The following DENND1A variants were observed in gnomAD, a reference collection of about 807,000 sequenced individuals.
The protein encoded by DENND1A is DENN domain containing 1A.
A neutral mutation model predicts 113.7 loss-of-function variants in DENND1A; 51 were observed. The ratio of observed to expected loss-of-function variants is 0.45; its 90% CI spans 0.36 to 0.57. The LOEUF (loss-of-function observed/expected upper bound fraction) is 0.57, where lower values mean the gene tolerates loss of function less well. Ranked by LOEUF, DENND1A falls within the 20% of genes least tolerant of loss-of-function variation. The pLI, the probability that DENND1A is intolerant of heterozygous loss-of-function variation, is 0.00. For missense variants in DENND1A, 1,258 were observed against 1,395.9 expected (o/e 0.90, Z 1.57); for synonymous variants, 565 against 570.8 (o/e 0.99, Z 0.14).
chr9:123,765,828 T>C (rs1207985076), intron 4 of DENND1A, among the ~76,000 whole-genome samples: 2 of 152,150 alleles, frequency 1.3e-5, no homozygotes, highest in African/African-American at 4.8e-5. Flanking sequence ...CACTACTCCC[T>C]CTCACCAACA....
intron 9 of DENND1A, among the ~76,000 whole-genome samples, chr9:123,643,841 C>A (rs750397085): frequency 2.0e-5 from 3 of 152,198 alleles, no homozygotes; most frequent in Non-Finnish European, 4.4e-5. Flanking sequence ...GTGTCAGGCG[C>A]ACAGACAGGG....
intron 12 of DENND1A, among the ~76,000 whole-genome samples, chr9:123,579,159 T>C (rs2136597558): frequency 6.6e-6 from 1 of 152,356 alleles, no homozygotes; most frequent in East Asian, 1.9e-4. Flanking sequence ...CATCATCAGC[T>C]ACTGTCGATT....
chr9:123,643,728 G>A (rs1319353694), intron 9 of DENND1A, among the ~76,000 whole-genome samples: 1 of 152,220 alleles, frequency 6.6e-6, no homozygotes, highest in Non-Finnish European at 1.5e-5. Flanking sequence ...TGGGCAGACG[G>A]AATGGAATCT....
chr9:123,903,670 A>C (rs985412045), intron 1 of DENND1A, among the ~76,000 whole-genome samples: 2 of 152,218 alleles, frequency 1.3e-5, no homozygotes, highest in African/African-American at 4.8e-5. Context: ...GGACCGGCTT[A>C]AAAAACGGCG....
chr9:123,508,650 C>T (rs549268828), intron 13 of DENND1A, among the ~76,000 whole-genome samples: 50 of 152,280 alleles, frequency 3.3e-4, no homozygotes, highest in African/African-American at 1.2e-3. Flanking sequence ...TTCTCTTAAC[C>T]ACAGAGTTCA....
chr9:123,690,252 T>C (rs377062625), intron 5 of DENND1A, among the ~76,000 whole-genome samples: 15 of 152,122 alleles, frequency 9.9e-5, no homozygotes, highest in African/African-American at 3.6e-4. Context: ...GACAAACTAA[T>C]AGTGGTTTTT....
intron 13 of DENND1A, among the ~76,000 whole-genome samples, chr9:123,488,213 C>A (rs1179875155): frequency 1.3e-5 from 2 of 152,220 alleles, no homozygotes; most frequent in African/African-American, 2.4e-5. Flanking sequence ...ATGATGTGAA[C>A]CCTGCTTGTT....
rs188270604 is a variant in DENND1A, at chr9:123,846,614, T to C, written c.88+32337A>G. On this transcript the variant is annotated intron_variant, in intron 2 of 23. Transcript: ENST00000394215. ...ACCAGACAGAAAAGGACAAATAATA[T>C]ATGATTCCACTTATATGAGGAAACT... Among the ~76,000 whole-genome samples the C allele has an allele frequency of 1.1e-4, 16 of 152,236 alleles. No individual in the cohort carries two copies. In the South Asian group the frequency reaches 1.9e-3, roughly 18 times the overall value.
At chr9:123,485,689 C>CACAG (rs1344024675) in intron 13 of DENND1A, 3 of 148,948 alleles carry the variant, frequency 2.0e-5, no homozygotes, top group African/African-American at 7.3e-5. Flanking sequence ...CACACACACA[C>CACAG]ACGCAGTGTG....
At chr9:123,386,630 C>T (rs542300470) in intron 22 of DENND1A, among the ~76,000 whole-genome samples, 25 of 152,188 alleles carry the variant, frequency 1.6e-4, no homozygotes, top group Non-Finnish European at 2.8e-4. Flanking sequence ...GTGATCCGCC[C>T]GCTTTGGCCT....
intron 5 of DENND1A, among the ~76,000 whole-genome samples, chr9:123,722,989 G>A (rs1036383861): frequency 3.3e-5 from 5 of 152,230 alleles, no homozygotes; most frequent in African/African-American, 1.2e-4. Flanking sequence ...AGAAAAAGCT[G>A]AAGATACTCA....
At chr9:123,686,718 C>T (rs2064833358) in intron 5 of DENND1A, among the ~76,000 whole-genome samples, 1 of 152,168 alleles carries the variant, frequency 6.6e-6, no homozygotes, top group African/African-American at 2.4e-5. Context: ...CTCTGCTATA[C>T]CCTAAATGCA....
chr9:123,819,710 G>T (rs1463846179), intron 2 of DENND1A, among the ~76,000 whole-genome samples: 2 of 151,950 alleles, frequency 1.3e-5, no homozygotes, highest in Non-Finnish European at 2.9e-5. Flanking sequence ...GCTAAGTTTT[G>T]TATTTTTAGT....
intron 18 of DENND1A, among the ~76,000 whole-genome samples, chr9:123,443,573 C>T (rs1040778166): frequency 3.3e-5 from 5 of 152,224 alleles, no homozygotes; most frequent in East Asian, 3.9e-4. Flanking sequence ...AATTTATTAG[C>T]CTCTTTACTA....
At chr9:123,714,539 T>C (rs1286675673) in intron 5 of DENND1A, among the ~76,000 whole-genome samples, 3 of 151,990 alleles carry the variant, frequency 2.0e-5, no homozygotes, top group Non-Finnish European at 4.4e-5. Context: ...GAGGCAGAGA[T>C]TGCAGTGAGC....
At chr9:123,740,098 C>T (rs531127377) in intron 5 of DENND1A, among the ~76,000 whole-genome samples, 1 of 152,226 alleles carries the variant, frequency 6.6e-6, no homozygotes, top group Middle Eastern at 3.4e-3. Flanking sequence ...AAGGGGAGCA[C>T]TTACAGTGCA....
At chr9:123,526,151 A>G (rs1411501481) in intron 13 of DENND1A, among the ~76,000 whole-genome samples, 1 of 146,758 alleles carries the variant, frequency 6.8e-6, no homozygotes, top group African/African-American at 2.5e-5. Context: ...ATGCACACAC[A>G]TGCACACACC....
intron 13 of DENND1A, among the ~76,000 whole-genome samples, chr9:123,524,931 G>C (rs2054694539): frequency 6.6e-6 from 1 of 152,186 alleles, no homozygotes; most frequent in South Asian, 2.1e-4. Flanking sequence ...TTCACACCTG[G>C]AAAGCTAGAG....
chr9:123,838,509 A>G (rs1841372766), intron 2 of DENND1A, among the ~76,000 whole-genome samples: 1 of 152,202 alleles, frequency 6.6e-6, no homozygotes, highest in African/African-American at 2.4e-5. Flanking sequence ...AGAATCTGCT[A>G]GTGCTTTAAC....
Sources: gnomAD v4.1 joint callset for allele counts (sites outside exome capture counted in the v4.1 genomes callset) on GRCh38, gnomAD v4.1.1 for gene constraint, MANE v1.5 for transcripts, NCBI Gene and HGNC (gene_info 2026-07-23, HGNC 2026-07-21) for gene names.